The following RAB27A variants were observed in gnomAD, a reference collection of about 807,000 sequenced individuals.
RAB27A encodes ras-related protein Rab-27A.
In RAB27A, 17 loss-of-function variants were observed where a neutral mutation model predicts 20.8. That is an observed-to-expected ratio of 0.82 (90% CI 0.56 to 1.23). RAB27A has a LOEUF of 1.23. Ranked by LOEUF, RAB27A falls within the 50% of genes most tolerant of loss-of-function variation. The pLI, the probability that RAB27A is intolerant of heterozygous loss-of-function variation, is 0.00. For missense variants in RAB27A, 277 were observed against 266.7 expected (o/e 1.04, Z -0.27); for synonymous variants, 85 against 92.8 (o/e 0.92, Z 0.48).
chr15:55,241,186 T>A (rs1055646270), intron 2 of RAB27A, among the ~76,000 whole-genome samples: 3 of 152,118 alleles, frequency 2.0e-5, no homozygotes, highest in African/African-American at 7.2e-5. Context: ...AAAATAAGGA[T>A]CTGCTAAGAG....
At chr15:55,264,292 C>A (rs888780792) in intron 2 of RAB27A, among the ~76,000 whole-genome samples, 1 of 152,202 alleles carries the variant, frequency 6.6e-6, no homozygotes, top group Admixed American at 6.5e-5. Context: ...CTTAGGTGAT[C>A]AGCCGGCCTC....
chr15:55,318,701 C>CA lies in RAB27A; in HGVS notation c.-234+229dup, dbSNP rs1261744826. On this transcript the variant is annotated intron_variant, in intron 1 of 5. Coordinates refer to the RAB27A transcript ENST00000563262. ...GGACTACAAGAGCGAAACTCCGTCT[C>CA]AAAAAAAAAAACAAAAACAAAAACA... Among the ~76,000 whole-genome samples the CA allele has an allele frequency of 7.2e-3, 689 of 95,902 alleles. 3 individuals are homozygous for CA. The highest frequency in any genetic ancestry group is 0.023 in the African/African-American group (508 of 22,430). 62.9% of individuals were successfully genotyped at this position (95,902 alleles called of 152,430 possible). A position where few individuals can be genotyped will look rare whatever the true frequency, so the allele number is the denominator to read the frequency against.
chr15:55,208,840 A>G (rs74015506), intron 6 of RAB27A, among the ~76,000 whole-genome samples: 16,253 of 152,198 alleles, frequency 0.11, 1,540 homozygotes, highest in African/African-American at 0.26. Flanking sequence ...AGCAGAGTAG[A>G]TAGCTAAAGA....
chr15:55,280,503 T>TTATATATATATATATATATATATA (rs71297648), intron 1 of RAB27A, among the ~76,000 whole-genome samples: 18 of 137,930 alleles, frequency 1.3e-4, no homozygotes, highest in African/African-American at 5.2e-4. Flanking sequence ...TGGGTATGGT[T>TTATATATATATATATATATATATA]TATATATATA....
intron 2 of RAB27A, among the ~76,000 whole-genome samples, chr15:55,245,914 A>T (rs558984698): frequency 9.3e-4 from 142 of 152,222 alleles, no homozygotes; most frequent in African/African-American, 3.2e-3. Flanking sequence ...GTTCAAAACC[A>T]ACATGGCAAA....
intron 6 of RAB27A, among the ~76,000 whole-genome samples, chr15:55,214,222 G>T (rs1895162350): frequency 6.6e-6 from 1 of 152,082 alleles, no homozygotes; most frequent in South Asian, 2.1e-4. Flanking sequence ...GGATCACGAA[G>T]TCGGGAGATC....
At chr15:55,317,993 T>TAAA (rs1421499331) in intron 1 of RAB27A, 1 of 334,560 alleles carries the variant, frequency 3.0e-6, no homozygotes, top group African/African-American at 2.1e-5. Flanking sequence ...AACAAGAATA[T>TAAA]AAATACATAA....
chr15:55,209,267 T>G (rs1894803222), intron 6 of RAB27A, among the ~76,000 whole-genome samples: 1 of 152,150 alleles, frequency 6.6e-6, no homozygotes, highest in Non-Finnish European at 1.5e-5. Flanking sequence ...TTTGTACCTA[T>G]TAATCAATCT....
At chr15:55,308,642 T>C (rs1412041054) in intron 2 of RAB27A, among the ~76,000 whole-genome samples, 2 of 152,234 alleles carry the variant, frequency 1.3e-5, no homozygotes, top group Admixed American at 1.3e-4. Context: ...TTGACAGTTA[T>C]GTTCTATCTT....
At chr15:55,248,411 C>T (rs1896768107) in intron 2 of RAB27A, among the ~76,000 whole-genome samples, 1 of 152,140 alleles carries the variant, frequency 6.6e-6, no homozygotes, top group Admixed American at 6.5e-5. Context: ...AATATTAGTG[C>T]TTTTCTTGTA....
chr15:55,264,441 G>A (rs1411346299), intron 2 of RAB27A, among the ~76,000 whole-genome samples: 1 of 152,056 alleles, frequency 6.6e-6, no homozygotes, highest in African/African-American at 2.4e-5. Flanking sequence ...GAATAGATGG[G>A]GATCTGTTTT....
At chr15:55,302,655 A>G (rs2054977722) in intron 2 of RAB27A, among the ~76,000 whole-genome samples, 1 of 105,650 alleles carries the variant, frequency 9.5e-6, no homozygotes, top group South Asian at 3.7e-4. Flanking sequence ...CCGCCATCAC[A>G]TCTAGGAAGT....
chr15:55,293,947 G>A (rs1356616443), upstream of RAB27A, among the ~76,000 whole-genome samples: 2 of 151,978 alleles, frequency 1.3e-5, no homozygotes, highest in African/African-American at 4.8e-5. Flanking sequence ...TACATTTAAT[G>A]TTCATGGAAT....
At chr15:55,308,458 G>A (rs577976656) in intron 2 of RAB27A, among the ~76,000 whole-genome samples, 6 of 152,296 alleles carry the variant, frequency 3.9e-5, no homozygotes, top group African/African-American at 4.8e-5. Flanking sequence ...ACTAGTTCCC[G>A]GAGTGAGGAG....
chr15:55,240,226 A>G (rs1896426412), intron 2 of RAB27A, among the ~76,000 whole-genome samples: 1 of 152,134 alleles, frequency 6.6e-6, no homozygotes, highest in South Asian at 2.1e-4. Context: ...TTGGCATTTC[A>G]TTTCAGGAAG....
chr15:55,312,946 T>G (rs1048682289), intron 2 of RAB27A, among the ~76,000 whole-genome samples: 1 of 152,150 alleles, frequency 6.6e-6, no homozygotes, highest in Non-Finnish European at 1.5e-5. Flanking sequence ...TCTCCATCTC[T>G]CTCTCTCTCC....
chr15:55,280,720 A>G (rs1327527986), intron 1 of RAB27A, among the ~76,000 whole-genome samples: 1 of 149,762 alleles, frequency 6.7e-6, no homozygotes, highest in Non-Finnish European at 1.5e-5. Context: ...AAGTGATCTC[A>G]TTGTTCAGTT....
chr15:55,294,589 G>GAAAAAAAAAAAAAAAAAAA (rs1181179911), upstream of RAB27A, among the ~76,000 whole-genome samples: 7 of 29,182 alleles, frequency 2.4e-4, no homozygotes, highest in East Asian at 1.3e-3. Flanking sequence ...CCCTGTCTCC[G>GAAAAAAAAAAAAAAAAAAA]AAAAAAAAAA....
chr15:55,280,926 G>A (rs1243591095), intron 1 of RAB27A, among the ~76,000 whole-genome samples: 1 of 152,144 alleles, frequency 6.6e-6, no homozygotes, highest in Non-Finnish European at 1.5e-5. Flanking sequence ...ATTTGTGTTA[G>A]TTCCAAGTCT....
Sources: gnomAD v4.1 joint callset for allele counts (sites outside exome capture counted in the v4.1 genomes callset) on GRCh38, gnomAD v4.1.1 for gene constraint, MANE v1.5 for transcripts, NCBI Gene and HGNC (gene_info 2026-07-23, HGNC 2026-07-21) for gene names.